VPS13C: variants seen among roughly 807,000 people sequenced by gnomAD.
VPS13C encodes the protein intermembrane lipid transfer protein VPS13C.
A neutral mutation model predicts 456.8 loss-of-function variants in VPS13C; 358 were observed. The ratio of observed to expected loss-of-function variants is 0.78; its 90% CI spans 0.72 to 0.86. The LOEUF (loss-of-function observed/expected upper bound fraction) is 0.86, where lower values mean the gene tolerates loss of function less well. Among genes scored for constraint, VPS13C ranks in the 40% least tolerant of loss-of-function variants. VPS13C has a pLI of 0.00. For missense variants in VPS13C, 4,818 were observed against 4,385.4 expected, an observed-to-expected ratio of 1.10 and a Z score of -2.79; for synonymous variants, 1,578 against 1,486.7, an observed-to-expected ratio of 1.06 and a Z score of -1.41.
chr15:62,007,616 C>T (rs565261859), intron 14 of VPS13C, 137 bp from the exon 15 acceptor site: 98 of 698,018 alleles, frequency 1.4e-4, no homozygotes, highest in Non-Finnish European at 1.9e-4. Flanking sequence ...CTCAGCAATT[C>T]CCAGTAAAAT....
At chr15:61,941,026 A>G (rs2044403091) in intron 46 of VPS13C, among the ~76,000 whole-genome samples, 1 of 152,234 alleles carries the variant, frequency 6.6e-6, no homozygotes, top group South Asian at 2.1e-4. Context: ...TTTCAAAAAC[A>G]TAATTTTCAT....
rs1002809841 is a variant in VPS13C, at chr15:61,991,178, C to T, written c.1484-84G>A. The T allele has an allele frequency of 1.7e-5, 18 of 1,037,712 alleles. No individual in the cohort carries two copies. The African/African-American group carries it at 2.7e-4, about 16-fold the overall frequency. 64.3% of individuals were successfully genotyped at this position (1,037,712 alleles called of 1,614,324 possible). On this transcript the variant is annotated intron_variant, in intron 17 of 84. Transcript: ENST00000644861. ...AAGACTAACCAAACTAACAAGTATC[C>T]TAAAATCAACAGACACAAATGCTAA...
intron 81 of VPS13C, chr15:61,863,773 C>A: frequency 3.0e-6 from 1 of 329,130 alleles, no homozygotes; most frequent in Non-Finnish European, 5.6e-6. Flanking sequence ...TGGTAAAATA[C>A]ATTTTGTTCT....
In VPS13C at chr15:62,035,163, A is replaced by C. The variant is rs982171180; in HGVS notation, c.188-111T>G. ...ATAAAAAACTCTTCATGGTATGTACATCACTCAGAAAAAATGAAAAAAATC... is the reference window on the plus strand; with the variant it reads ...ATAAAAAACTCTTCATGGTATGTACCTCACTCAGAAAAAATGAAAAAAATC... On this transcript the variant is annotated intron_variant, in intron 3 of 84. Coordinates refer to ENST00000644861, the MANE Select transcript of VPS13C (RefSeq NM_020821.3). 3 of 542,658 alleles carry C rather than the reference A, an allele frequency of 5.5e-6. No individual in the cohort carries two copies. In the African/African-American group the frequency reaches 5.9e-5, roughly 11 times the overall value. The allele number at this position is 542,658 out of a possible 1,614,324, so 33.6% of individuals were successfully genotyped here.
At chr15:61,894,303 G>A (rs12908472) in intron 66 of VPS13C, among the ~76,000 whole-genome samples, 48,739 of 150,590 alleles carry the variant, frequency 0.32, 9,083 homozygotes, top group Non-Finnish European at 0.4. Flanking sequence ...GCAAGACTCC[G>A]TCTCAAAACA....
At chr15:61,952,064 T>C in intron 38 of VPS13C, 84 bp from the exon 39 acceptor site, 2 of 1,456,904 alleles carry the variant, frequency 1.4e-6, no homozygotes, top group Non-Finnish European at 1.9e-6. Context: ...GTATCCAGAG[T>C]GATATAAGGA....
intron 61 of VPS13C, among the ~76,000 whole-genome samples, chr15:61,914,878 T>TTAAAAAAAAAAAAAAAA (rs1455691773): frequency 9.8e-6 from 1 of 102,050 alleles, no homozygotes; most frequent in East Asian, 2.9e-4. Context: ...AACTCTGCCT[T>TTAAAAAAAAAAAAAAAA]AAAAAAAAAA....
At chr15:62,013,155 C>A in intron 10 of VPS13C, 36 bp from the exon 11 acceptor site, 2 of 1,468,448 alleles carry the variant, frequency 1.4e-6, no homozygotes, top group Non-Finnish European at 9.4e-7. Context: ...AGGCAATCAA[C>A]ACACTGAAAT....
intron 63 of VPS13C, among the ~76,000 whole-genome samples, chr15:61,910,973 G>A (rs2043286463): frequency 1.3e-5 from 2 of 152,050 alleles, no homozygotes; most frequent in African/African-American, 4.8e-5. Context: ...CTGAGTTTAT[G>A]GAGATCATTC....
chr15:61,879,781 A>G (rs971533218), intron 73 of VPS13C, among the ~76,000 whole-genome samples: 1 of 152,124 alleles, frequency 6.6e-6, no homozygotes, highest in Non-Finnish European at 1.5e-5. Flanking sequence ...AAGAAATGGT[A>G]TATTACCTAT....
At chr15:61,911,187 T>C (rs1417990056) in intron 63 of VPS13C, among the ~76,000 whole-genome samples, 1 of 152,202 alleles carries the variant, frequency 6.6e-6, no homozygotes. Context: ...TGCTTATCTT[T>C]GCACCTGTCC....
intron 82 of VPS13C, among the ~76,000 whole-genome samples, chr15:61,857,305 G>A (rs1363474914): frequency 6.6e-6 from 1 of 152,168 alleles, no homozygotes; most frequent in Non-Finnish European, 1.5e-5. Context: ...TGGAGCGAGA[G>A]AGAGAGAGGA....
intron 67 of VPS13C, among the ~76,000 whole-genome samples, chr15:61,887,874 A>G (rs773193506): frequency 1.9e-4 from 29 of 152,132 alleles, no homozygotes; most frequent in Non-Finnish European, 3.8e-4. Flanking sequence ...AAAATATAAA[A>G]CTTCTGCTGT....
chr15:61,997,003 A>ATATATATATG (rs2046409915), intron 16 of VPS13C, among the ~76,000 whole-genome samples: 3 of 150,950 alleles, frequency 2.0e-5, no homozygotes, highest in African/African-American at 4.9e-5. Flanking sequence ...ACATACATAT[A>ATATATATATG]TATATATATG....
chr15:61,983,653 T>C (rs1596420313), intron 20 of VPS13C, 167 bp downstream of exon 20: 1 of 693,376 alleles, frequency 1.4e-6, no homozygotes, highest in Non-Finnish European at 2.2e-6. Context: ...ATGAAAAAAA[T>C]CAAAATTAGC....
At chr15:62,014,988 T>C (rs2047176166) in intron 9 of VPS13C, among the ~76,000 whole-genome samples, 3 of 152,120 alleles carry the variant, frequency 2.0e-5, no homozygotes, top group East Asian at 1.9e-4. Context: ...TGAGCAAAGA[T>C]ACAAAGGGAC....
At chr15:62,060,215 G>A in intron 1 of VPS13C, 60 bp downstream of exon 1, 1 of 973,542 alleles carries the variant, frequency 1.0e-6, no homozygotes, top group South Asian at 1.4e-5. Context: ...ATCCCGGACG[G>A]AGCAGCCCTC....
chr15:61,964,618 CAGAT>C (rs1362200969), intron 31 of VPS13C, 77 bp downstream of exon 31: 5 of 1,313,414 alleles, frequency 3.8e-6, no homozygotes, highest in East Asian at 4.7e-5. Flanking sequence ...ATGACTGAGT[CAGAT>C]AGTCTCTAGT....
chr15:62,008,731 C>A lies in VPS13C; in HGVS notation c.1042G>T (p.Val348Leu). ...YLSMIDLLES[V>L]DYMVRNAPYR... ...GGCGCATTCCTAACCATATAATCCACTGACTCCAAAAGGTCAATCATACTT... is the reference window on the plus strand; with the variant it reads ...GGCGCATTCCTAACCATATAATCCAATGACTCCAAAAGGTCAATCATACTT... Residue 348 changes from valine (V) to leucine (L), a missense_variant, in exon 14 of 85, where the codon GTG becomes TTG. Around this residue, in one of 3 missense-constraint regions of VPS13C, gnomAD observed 4,552 missense variants for 4,130.6 expected, o/e 1.10. Transcript: ENST00000644861. The A allele has an allele frequency of 6.2e-7, 1 of 1,605,152 alleles. No homozygotes were observed. The highest frequency in any genetic ancestry group is 1.1e-5 in the South Asian group (1 of 89,480).
Sources: allele counts gnomAD v4.1 joint callset (sites outside exome capture counted in the v4.1 genomes callset), GRCh38; gene constraint gnomAD v4.1.1; regional missense constraint gnomAD v4.1.1; transcripts MANE v1.5; gene names NCBI Gene and HGNC (gene_info 2026-07-23, HGNC 2026-07-21).